RALGPS2: variants seen among roughly 807,000 people sequenced by gnomAD.
RALGPS2 encodes the protein ras-specific guanine nucleotide-releasing factor RalGPS2.
A neutral mutation model predicts 86.8 loss-of-function variants in RALGPS2; 43 were observed. The observed-to-expected ratio is 0.50, with a 90% CI of 0.39 to 0.64. The LOEUF is 0.64. Ranked by LOEUF, RALGPS2 falls within the 30% of genes least tolerant of loss-of-function variation. The pLI, the probability that RALGPS2 is intolerant of heterozygous loss-of-function variation, is 0.00. For synonymous variants in RALGPS2, 243 were observed against 231.3 expected (o/e 1.05, Z -0.46); for missense variants, 536 against 694.6 (o/e 0.77, Z 2.57).
intron 1 of RALGPS2, among the ~76,000 whole-genome samples, chr1:178,749,105 A>G (rs1651506876): frequency 6.6e-6 from 1 of 152,172 alleles, no homozygotes. Context: ...ACACACCACC[A>G]ACAACCCATT....
At chr1:178,851,138 A>G in intron 8 of RALGPS2, 1 of 1,612,462 alleles carries the variant, frequency 6.2e-7, no homozygotes, top group Non-Finnish European at 8.5e-7. Context: ...TTCAGTCAAT[A>G]GGCTTGATCA....
At chr1:178,886,270 G>C in intron 13 of RALGPS2, 150 bp downstream of exon 13, 1 of 794,126 alleles carries the variant, frequency 1.3e-6, no homozygotes. Context: ...TTAATAATTT[G>C]TGATGGTTTT....
chr1:178,904,959 A>G (rs1660331417), intron 18 of RALGPS2, among the ~76,000 whole-genome samples: 1 of 152,086 alleles, frequency 6.6e-6, no homozygotes, highest in South Asian at 2.1e-4. Context: ...CATTTTCCCA[A>G]TATTGATTCT....
At chr1:178,899,275 T>G (rs1347257966) in intron 17 of RALGPS2, among the ~76,000 whole-genome samples, 1 of 151,886 alleles carries the variant, frequency 6.6e-6, no homozygotes, top group Non-Finnish European at 1.5e-5. Flanking sequence ...AGGTAATGTA[T>G]GCAAAATGTT....
chr1:178,916,493 C>A lies in RALGPS2; in HGVS notation c.*134C>A. 1.3e-6 allele frequency: 1 copy of A among 751,690 alleles called. No homozygotes were observed. Among genetic ancestry groups the A allele is most frequent in the East Asian group, 2.9e-5 (1 of 34,910 alleles). The allele number at this position is 751,690 out of a possible 1,614,324, so 46.6% of individuals were successfully genotyped here. ...CTGTCTCAGTCGTTGGAGTTCTCAA[C>A]CAAAAAAGCACTAATTTCAGGGAAT... is the stretch of plus-strand genomic sequence containing the variant. On this transcript the variant is annotated 3_prime_UTR_variant, in exon 20 of 20. Transcript: ENST00000367635.
intron 8 of RALGPS2, among the ~76,000 whole-genome samples, chr1:178,863,054 G>A (rs947789938): frequency 4.6e-5 from 7 of 152,178 alleles, no homozygotes; most frequent in Non-Finnish European, 1.0e-4. Context: ...TCACAGGTAA[G>A]GAAACTGAGG....
In RALGPS2 at chr1:178,823,481, C is replaced by T. The variant is rs570327675; in HGVS notation, c.480+1777C>T. Among the ~76,000 whole-genome samples the T allele has an allele frequency of 3.3e-5, 5 of 152,218 alleles. No homozygotes were observed. In the East Asian group the frequency reaches 7.7e-4, roughly 23 times the overall value. On this transcript the variant is annotated intron_variant, in intron 7 of 19. Transcript: ENST00000367635. ...AAGTAGAAAGGAAGGCAGGACAGTA[C>T]TGTGTTATGTAACATGGTAAGAGAA...
chr1:178,899,987 G>A (rs1334929601), intron 17 of RALGPS2, among the ~76,000 whole-genome samples: 1 of 151,924 alleles, frequency 6.6e-6, no homozygotes, highest in Non-Finnish European at 1.5e-5. Context: ...CGTTGTGATT[G>A]TATAGGAATA....
intron 8 of RALGPS2, among the ~76,000 whole-genome samples, chr1:178,869,766 A>T (rs1658634859): frequency 6.6e-6 from 1 of 152,122 alleles, no homozygotes; most frequent in South Asian, 2.1e-4. Context: ...TTTAATTTTT[A>T]CAAGGCTAAA....
chr1:178,871,758 A>G (rs1316434183), intron 8 of RALGPS2, among the ~76,000 whole-genome samples: 2 of 152,186 alleles, frequency 1.3e-5, no homozygotes, highest in South Asian at 2.1e-4. Flanking sequence ...CATTCTTGTT[A>G]TTAATTGATG....
intron 8 of RALGPS2, chr1:178,853,103 A>G (rs980771982): frequency 7.0e-7 from 1 of 1,419,070 alleles, no homozygotes; most frequent in Non-Finnish European, 9.2e-7. Context: ...CTTGCGTTTT[A>G]TAAGCCACAC....
At chr1:178,737,203 A>G (rs1650757659) in intron 1 of RALGPS2, among the ~76,000 whole-genome samples, 1 of 152,188 alleles carries the variant, frequency 6.6e-6, no homozygotes, top group Non-Finnish European at 1.5e-5. Context: ...AGGTAAGAAA[A>G]TGCACATCTA....
chr1:178,848,714 A>G (rs1203032802), intron 8 of RALGPS2, among the ~76,000 whole-genome samples: 4 of 152,080 alleles, frequency 2.6e-5, no homozygotes, highest in African/African-American at 9.7e-5. Context: ...GTGCAGTGGC[A>G]TAATCTCGGC....
chr1:178,794,654 A>C lies in RALGPS2; in HGVS notation c.213+9047A>C, dbSNP rs145102707. Among the ~76,000 whole-genome samples, 840 of 152,278 alleles carry C rather than the reference A, an allele frequency of 5.5e-3. 4 individuals are homozygous for C. The highest frequency in any genetic ancestry group is 0.01 in the Middle Eastern group (3 of 294). On this transcript the variant is annotated intron_variant, in intron 4 of 19. Coordinates refer to ENST00000367635, the MANE Select transcript of RALGPS2 (RefSeq NM_152663.5). Reference sequence around the variant, plus strand: ...CTAATAGGGTTTCTCTTCAGAATGAACTTTCTGTTACTAAGCACAAGGTGA... The same window carrying C: ...CTAATAGGGTTTCTCTTCAGAATGACCTTTCTGTTACTAAGCACAAGGTGA...
intron 7 of RALGPS2, among the ~76,000 whole-genome samples, chr1:178,831,779 A>G (rs1278799325): frequency 1.3e-5 from 2 of 152,208 alleles, no homozygotes; most frequent in African/African-American, 4.8e-5. Context: ...GGAAATACCT[A>G]TATTAACATC....
At chr1:178,747,319 A>T in intron 1 of RALGPS2, 4 of 1,532,976 alleles carry the variant, frequency 2.6e-6, no homozygotes, top group Non-Finnish European at 2.7e-6. Flanking sequence ...AAGTAGTATA[A>T]TGAAAGTGAG....
At chr1:178,743,885 T>C (rs960972261) in intron 1 of RALGPS2, among the ~76,000 whole-genome samples, 1 of 151,960 alleles carries the variant, frequency 6.6e-6, no homozygotes, top group African/African-American at 2.4e-5. Context: ...AAACCCAAAA[T>C]AAACTTCAGA....
At chr1:178,842,798 A>G (rs1247029862) in intron 8 of RALGPS2, among the ~76,000 whole-genome samples, 1 of 149,194 alleles carries the variant, frequency 6.7e-6, no homozygotes, top group African/African-American at 2.4e-5. Flanking sequence ...ACTCAAACAA[A>G]TTTACAAGAA....
intron 1 of RALGPS2, among the ~76,000 whole-genome samples, chr1:178,728,213 C>T (rs1650136722): frequency 6.6e-6 from 1 of 152,002 alleles, no homozygotes; most frequent in Admixed American, 6.6e-5. Flanking sequence ...CTTTTTTGGT[C>T]TAAAATTTTA....
Sources: allele counts gnomAD v4.1 joint callset (sites outside exome capture counted in the v4.1 genomes callset), GRCh38; gene constraint gnomAD v4.1.1; transcripts MANE v1.5; gene names NCBI Gene and HGNC (gene_info 2026-07-23, HGNC 2026-07-21).